Variants in EEFSEC observed in about 807,000 individuals in gnomAD.
EEFSEC encodes eukaryotic elongation factor, selenocysteine-tRNA specific.
In EEFSEC, 43 loss-of-function variants were observed where a neutral mutation model predicts 42.1. That is an observed-to-expected ratio of 1.02 (90% CI 0.80 to 1.32). The LOEUF (loss-of-function observed/expected upper bound fraction) is 1.32. Among genes scored for constraint, EEFSEC ranks in the 40% most tolerant of loss-of-function variants. EEFSEC has a pLI of 0.00. For missense variants in EEFSEC, 745 were observed against 803.6 expected (o/e 0.93, Z 0.88); for synonymous variants, 354 against 339.1 (o/e 1.04, Z -0.48).
intron 1 of EEFSEC, among the ~76,000 whole-genome samples, chr3:128,160,738 T>C (rs1212655762): frequency 6.6e-6 from 1 of 152,184 alleles, no homozygotes; most frequent in Non-Finnish European, 1.5e-5. Context: ...TGTGATGATA[T>C]CTCTGAAGTT....
chr3:128,263,860 G>A (rs2066323994), intron 3 of EEFSEC, among the ~76,000 whole-genome samples: 1 of 152,224 alleles, frequency 6.6e-6, no homozygotes. Context: ...GGAGTCCGCA[G>A]AGAAGGAAGG....
chr3:128,191,453 T>C, intron 1 of EEFSEC, among the ~76,000 whole-genome samples: 1 of 151,778 alleles, frequency 6.6e-6, no homozygotes, highest in East Asian at 1.9e-4. Context: ...CCTGGGGGTA[T>C]TTTTTTTATT....
intron 1 of EEFSEC, among the ~76,000 whole-genome samples, chr3:128,210,121 A>C (rs2065741051): frequency 6.6e-6 from 1 of 152,196 alleles, no homozygotes; most frequent in Non-Finnish European, 1.5e-5. Flanking sequence ...CCCAGGGGAG[A>C]AATGCAGAGG....
chr3:128,374,187 C>A (rs1339620461), intron 6 of EEFSEC, among the ~76,000 whole-genome samples: 1 of 152,258 alleles, frequency 6.6e-6, no homozygotes, highest in Non-Finnish European at 1.5e-5. Flanking sequence ...GTGCCCAGTG[C>A]TGTCATCGAC....
rs964226307 is a variant in EEFSEC, at chr3:128,405,225, C to G, written c.1601-2844C>G. The stretch of plus-strand genomic sequence containing the variant: ...TGGAGACGGGGTTTCACCGTGTTAG[C>G]CAGGATGATCTTGATCTCCTGACCT... On this transcript the variant is annotated intron_variant, in intron 6 of 6. Coordinates refer to ENST00000254730, the MANE Select transcript of EEFSEC (RefSeq NM_021937.5). Among the ~76,000 whole-genome samples the G allele has an allele frequency of 7.2e-5, 11 of 152,200 alleles. No individual in the cohort carries two copies. In the South Asian group the frequency reaches 1.2e-3, roughly 17 times the overall value.
intron 1 of EEFSEC, among the ~76,000 whole-genome samples, chr3:128,176,558 T>A (rs2065350267): frequency 6.6e-6 from 1 of 152,178 alleles, no homozygotes; most frequent in South Asian, 2.1e-4. Flanking sequence ...CATGCAAATG[T>A]ACCCAAAAAT....
intron 1 of EEFSEC, among the ~76,000 whole-genome samples, chr3:128,187,069 CA>C (rs1165294235): frequency 1.3e-5 from 2 of 152,198 alleles, no homozygotes; most frequent in Non-Finnish European, 2.9e-5. Context: ...TTGAACATTT[CA>C]AACCTTGAAC....
intron 1 of EEFSEC, among the ~76,000 whole-genome samples, chr3:128,206,099 A>G (rs2065694076): frequency 6.6e-6 from 1 of 152,156 alleles, no homozygotes; most frequent in Non-Finnish European, 1.5e-5. Context: ...CTGGTATTTC[A>G]TTTTATATCC....
intron 1 of EEFSEC, among the ~76,000 whole-genome samples, chr3:128,219,311 T>G (rs2065840753): frequency 6.6e-6 from 1 of 152,230 alleles, no homozygotes; most frequent in Admixed American, 6.5e-5. Context: ...CCATCAGGGT[T>G]ATATCACTCC....
intron 1 of EEFSEC, among the ~76,000 whole-genome samples, chr3:128,197,514 C>T (rs1300780887): frequency 1.3e-5 from 2 of 152,148 alleles, no homozygotes; most frequent in Non-Finnish European, 1.5e-5. Flanking sequence ...CTCAAGTGAC[C>T]TGGCCATCTT....
At chr3:128,172,010 C>CT (rs1230610886) in intron 1 of EEFSEC, among the ~76,000 whole-genome samples, 1 of 152,116 alleles carries the variant, frequency 6.6e-6, no homozygotes, top group Non-Finnish European at 1.5e-5. Flanking sequence ...TGAAAATACT[C>CT]TGTCATTTTA....
intron 4 of EEFSEC, among the ~76,000 whole-genome samples, chr3:128,295,907 G>A (rs1316654004): frequency 1.3e-5 from 2 of 152,210 alleles, no homozygotes; most frequent in Non-Finnish European, 2.9e-5. Flanking sequence ...AAGCAAAAAA[G>A]GAATGCTTTC....
At chr3:128,210,696 C>T (rs938363156) in intron 1 of EEFSEC, among the ~76,000 whole-genome samples, 34 of 152,322 alleles carry the variant, frequency 2.2e-4, no homozygotes, top group African/African-American at 6.3e-4. Flanking sequence ...CCAATTCCTA[C>T]GGATTTCCCC....
At chr3:128,295,726 C>CA (rs1277797372) in intron 4 of EEFSEC, among the ~76,000 whole-genome samples, 1 of 151,500 alleles carries the variant, frequency 6.6e-6, no homozygotes, top group Non-Finnish European at 1.5e-5. Context: ...GGTGACCCAG[C>CA]AGTCAGCTGG....
chr3:128,276,500 A>G lies in EEFSEC; in HGVS notation c.786+11719A>G, dbSNP rs190063487. Among the ~76,000 whole-genome samples, 21 of 152,252 alleles carry G rather than the reference A, an allele frequency of 1.4e-4. No homozygotes were observed. The East Asian group carries it at 4.1e-3, about 29-fold the overall frequency. ...AACCTCTCTGAGCCTCAGCTTCCTT[A>G]TCCGCAAAACATGGAAATGTTAATA... is the stretch of plus-strand genomic sequence containing the variant. On this transcript the variant is annotated intron_variant, in intron 4 of 6. Transcript: ENST00000254730.
At chr3:128,403,823 T>C (rs1559961362) in intron 6 of EEFSEC, among the ~76,000 whole-genome samples, 1 of 152,216 alleles carries the variant, frequency 6.6e-6, no homozygotes, top group Non-Finnish European at 1.5e-5. Flanking sequence ...CCTTGGAGCA[T>C]GCTGAAGCAG....
intron 4 of EEFSEC, among the ~76,000 whole-genome samples, chr3:128,319,356 C>T (rs531934568): frequency 1.3e-5 from 2 of 152,268 alleles, no homozygotes; most frequent in Admixed American, 6.5e-5. Context: ...GAAGCCAGAT[C>T]GAGAGCAGTA....
intron 6 of EEFSEC, among the ~76,000 whole-genome samples, chr3:128,364,601 A>G (rs1026187832): frequency 1.3e-4 from 20 of 152,188 alleles, no homozygotes; most frequent in Non-Finnish European, 2.8e-4. Flanking sequence ...TCCTTCGCCT[A>G]CACAGTGGGC....
At chr3:128,259,120 T>C (rs373969585) in intron 2 of EEFSEC, among the ~76,000 whole-genome samples, 2 of 152,226 alleles carry the variant, frequency 1.3e-5, no homozygotes, top group South Asian at 2.1e-4. Flanking sequence ...GGAAAGCTTC[T>C]AGCACAATTG....
Sources: allele counts gnomAD v4.1 joint callset (sites outside exome capture counted in the v4.1 genomes callset), GRCh38; gene constraint gnomAD v4.1.1; transcripts MANE v1.5; gene names NCBI Gene and HGNC (gene_info 2026-07-23, HGNC 2026-07-21).